FER: variants seen among roughly 807,000 people sequenced by gnomAD.
The protein encoded by FER is tyrosine-protein kinase Fer.
FER carries 63 observed loss-of-function variants against 111.0 expected under a neutral mutation model. That is an observed-to-expected ratio of 0.57 (90% CI 0.46 to 0.70). FER has a LOEUF of 0.70. Ranked by LOEUF, FER falls within the 30% of genes least tolerant of loss-of-function variation. The pLI, the probability that FER is intolerant of heterozygous loss-of-function variation, is 0.00. For synonymous variants in FER, 327 were observed against 313.9 expected, an observed-to-expected ratio of 1.04 and a Z score of -0.44; for missense variants, 914 against 954.0, an observed-to-expected ratio of 0.96 and a Z score of 0.55.
In FER at chr5:109,173,762, C is replaced by CG. The variant is rs377498974; in HGVS notation, c.2049-6985_2049-6984insG. On this transcript the variant is annotated intron_variant, in intron 17 of 19. Coordinates refer to ENST00000281092, the MANE Select transcript of FER (RefSeq NM_005246.4). ...AAGTGGTATAATATGTACCTCCCCC[C>CG]CCCCCACAAGTAACATACATGCATT... Among the ~76,000 whole-genome samples, 668 of 147,668 alleles carry CG rather than the reference C, an allele frequency of 4.5e-3. 8 individuals carry two copies. The highest frequency in any genetic ancestry group is 0.016 in the African/African-American group (646 of 40,346).
At chr5:109,065,175 T>C (rs1774931985) in intron 16 of FER, among the ~76,000 whole-genome samples, 1 of 152,212 alleles carries the variant, frequency 6.6e-6, no homozygotes, top group South Asian at 2.1e-4. Flanking sequence ...ATTTTCATTT[T>C]ATCAGAATTG....
At chr5:109,062,022 T>TTTGCTTGCTTGCTTGCTTGCTTGC (rs112245118) in intron 16 of FER, among the ~76,000 whole-genome samples, 6,778 of 150,602 alleles carry the variant, frequency 0.045, 213 homozygotes, top group South Asian at 0.087. Flanking sequence ...TTATGAATAC[T>TTTGCTTGCTTGCTTGCTTGCTTGC]TTGCTTGCTT....
intron 2 of FER, among the ~76,000 whole-genome samples, chr5:108,772,808 C>A (rs1056508635): frequency 6.6e-6 from 1 of 152,198 alleles, no homozygotes; most frequent in South Asian, 2.1e-4. Flanking sequence ...TACTCACCTT[C>A]TAACCAGGAA....
At chr5:108,950,836 A>G (rs1025854483) in intron 11 of FER, among the ~76,000 whole-genome samples, 8 of 152,160 alleles carry the variant, frequency 5.3e-5, no homozygotes, top group Admixed American at 2.6e-4. Context: ...TTCACTGCAA[A>G]TAATTTTTAC....
At chr5:109,165,593 GGTGTGTGTGTGTGTGTGTGT>G (rs66749153) in intron 17 of FER, among the ~76,000 whole-genome samples, 12 of 142,350 alleles carry the variant, frequency 8.4e-5, no homozygotes, top group East Asian at 2.1e-4. Flanking sequence ...GGAGGGAACT[GGTGTGTGTGTGTGTGTGTGT>G]GTGTGTGTGT....
chr5:108,790,606 T>A (rs1045629370), intron 2 of FER, among the ~76,000 whole-genome samples: 3 of 152,246 alleles, frequency 2.0e-5, no homozygotes, highest in African/African-American at 7.2e-5. Context: ...TGCTAACTGA[T>A]CTTTAGATAA....
intron 5 of FER, among the ~76,000 whole-genome samples, chr5:108,843,290 A>G (rs901512629): frequency 5.9e-5 from 9 of 152,152 alleles, no homozygotes; most frequent in Non-Finnish European, 8.8e-5. Context: ...CTATCTATCT[A>G]TGGAAAACAA....
intron 17 of FER, among the ~76,000 whole-genome samples, chr5:109,114,490 G>C (rs1414032836): frequency 6.6e-6 from 1 of 151,948 alleles, no homozygotes; most frequent in East Asian, 1.9e-4. Context: ...TGGAACTTTT[G>C]AGGATAATAA....
chr5:108,842,338 A>G (rs1443434949), intron 5 of FER: 1 of 152,184 alleles, frequency 6.6e-6, no homozygotes, highest in Non-Finnish European at 1.5e-5. Context: ...AGACATTGGC[A>G]TAGGCAAGTA....
chr5:108,775,732 G>T (rs1169846061), intron 2 of FER, among the ~76,000 whole-genome samples: 2 of 152,136 alleles, frequency 1.3e-5, no homozygotes, highest in African/African-American at 4.8e-5. Context: ...AATTAAGAAA[G>T]CATAGGAGGA....
At chr5:108,986,382 C>A (rs1338536114) in intron 13 of FER, among the ~76,000 whole-genome samples, 1 of 150,292 alleles carries the variant, frequency 6.7e-6, no homozygotes, top group Non-Finnish European at 1.5e-5. Flanking sequence ...AGATTTTCTT[C>A]CACTCTATGT....
intron 16 of FER, among the ~76,000 whole-genome samples, chr5:109,063,501 C>T (rs1481700031): frequency 6.6e-6 from 1 of 152,178 alleles, no homozygotes; most frequent in Non-Finnish European, 1.5e-5. Flanking sequence ...AATGTGACTC[C>T]TGCCTCATAC....
chr5:109,163,866 G>A (rs1445493827), intron 17 of FER, among the ~76,000 whole-genome samples: 1 of 152,070 alleles, frequency 6.6e-6, no homozygotes, highest in Non-Finnish European at 1.5e-5. Flanking sequence ...CACTATTCTG[G>A]ATGTCTGATA....
intron 13 of FER, among the ~76,000 whole-genome samples, chr5:109,010,100 G>C (rs556553178): frequency 2.6e-5 from 4 of 152,094 alleles, no homozygotes; most frequent in Non-Finnish European, 4.4e-5. Context: ...GGAAAGGTGT[G>C]GATATTAAAC....
intron 17 of FER, among the ~76,000 whole-genome samples, chr5:109,132,176 A>G (rs544205986): frequency 1.5e-4 from 23 of 152,278 alleles, no homozygotes; most frequent in African/African-American, 5.5e-4. Flanking sequence ...AAATTACCCA[A>G]TTCCCAAAAA....
intron 1 of FER, among the ~76,000 whole-genome samples, chr5:108,763,502 C>T (rs1751988647): frequency 6.6e-6 from 1 of 152,218 alleles, no homozygotes; most frequent in African/African-American, 2.4e-5. Flanking sequence ...CCATCCTCCC[C>T]TGCAGAGCGA....
intron 13 of FER, among the ~76,000 whole-genome samples, chr5:109,024,830 C>G (rs1768451075): frequency 6.6e-6 from 1 of 151,958 alleles, no homozygotes; most frequent in Non-Finnish European, 1.5e-5. Context: ...TTTCAGCTTT[C>G]TACATATGGC....
chr5:109,072,565 A>T lies in FER; in HGVS notation c.1924+25367A>T, dbSNP rs1775889778. 2.6e-5 allele frequency among the ~76,000 whole-genome samples: 4 copies of T among 151,938 alleles called. No individual in the cohort carries two copies. The South Asian group carries it at 8.3e-4, about 32-fold the overall frequency. On this transcript the variant is annotated intron_variant, in intron 16 of 19. Coordinates refer to ENST00000281092, the MANE Select transcript of FER (RefSeq NM_005246.4). Reference sequence around the variant, plus strand: ...ATCCCAGAAAAACAGTAGGCCAGTGATGTCGTGTTTCCCTTTAATCCGTTT... The same window carrying T: ...ATCCCAGAAAAACAGTAGGCCAGTGTTGTCGTGTTTCCCTTTAATCCGTTT...
chr5:109,096,888 A>C (rs1335093550), intron 16 of FER, among the ~76,000 whole-genome samples: 1 of 151,096 alleles, frequency 6.6e-6, no homozygotes, highest in East Asian at 1.9e-4. Flanking sequence ...ACCCTTTCTC[A>C]TTTGTTTTTT....
Sources: gnomAD v4.1 joint callset for allele counts (sites outside exome capture counted in the v4.1 genomes callset) on GRCh38, gnomAD v4.1.1 for gene constraint, MANE v1.5 for transcripts, NCBI Gene and HGNC (gene_info 2026-07-23, HGNC 2026-07-21) for gene names.